Variants in CPVL observed in about 807,000 individuals in gnomAD.
The protein encoded by CPVL is carboxypeptidase vitellogenic like.
A neutral mutation model predicts 63.7 loss-of-function variants in CPVL; 51 were observed. The observed-to-expected ratio is 0.80, with a 90% confidence interval of 0.64 to 1.01. The LOEUF (loss-of-function observed/expected upper bound fraction) is 1.01, where lower values mean the gene tolerates loss of function less well. Ranked by LOEUF, CPVL falls within the 50% of genes least tolerant of loss-of-function variation. The pLI is 0.00. For synonymous variants in CPVL, 195 were observed against 206.0 expected (o/e 0.95, Z 0.46); for missense variants, 530 against 573.1 (o/e 0.92, Z 0.77).
chr7:29,031,255 CAGAG>C (rs1787998306), intron 11 of CPVL, among the ~76,000 whole-genome samples: 1 of 152,128 alleles, frequency 6.6e-6, no homozygotes, highest in Non-Finnish European at 1.5e-5. Context: ...CAGCAGCAGA[CAGAG>C]AGATTCAGGT....
chr7:29,027,117 C>G (rs1477331742), intron 12 of CPVL, among the ~76,000 whole-genome samples: 1 of 152,080 alleles, frequency 6.6e-6, no homozygotes, highest in African/African-American at 2.4e-5. Context: ...AATCCAACAA[C>G]ACATCAAAAA....
At chr7:29,070,749 G>A (rs62442640) in intron 9 of CPVL, among the ~76,000 whole-genome samples, 16,669 of 152,170 alleles carry the variant, frequency 0.11, 1,142 homozygotes, top group Middle Eastern at 0.16. Context: ...TCACGGCAAG[G>A]GCGGTCACTG....
chr7:29,105,529 T>C (rs1787640405), intron 3 of CPVL, among the ~76,000 whole-genome samples: 1 of 152,166 alleles, frequency 6.6e-6, no homozygotes, highest in Admixed American at 6.5e-5. Context: ...CTATTACTCG[T>C]TCCTTAGGCC....
At chr7:29,087,046 A>G (rs1210850710) in intron 6 of CPVL, among the ~76,000 whole-genome samples, 1 of 152,210 alleles carries the variant, frequency 6.6e-6, no homozygotes, top group Non-Finnish European at 1.5e-5. Flanking sequence ...CTATAATTTA[A>G]AAGAAAAACA....
At chr7:29,062,801 G>A (rs1340682104) in intron 11 of CPVL, among the ~76,000 whole-genome samples, 1 of 152,198 alleles carries the variant, frequency 6.6e-6, no homozygotes, top group Non-Finnish European at 1.5e-5. Context: ...ATTTCTGAAA[G>A]ATCGAAATAA....
chr7:29,193,306 T>G (rs758002699), intron 1 of CPVL: 14 of 152,174 alleles, frequency 9.2e-5, no homozygotes, highest in Non-Finnish European at 2.9e-5. Flanking sequence ...CGTGGGTGCG[T>G]ACTGTGATTA....
At chr7:29,063,201 G>T (rs1782802841) in intron 11 of CPVL, among the ~76,000 whole-genome samples, 1 of 152,174 alleles carries the variant, frequency 6.6e-6, no homozygotes, top group Non-Finnish European at 1.5e-5. Context: ...TGGCAGCAAA[G>T]GCAGAGCATT....
intron 3 of CPVL, among the ~76,000 whole-genome samples, chr7:29,110,250 G>A (rs961376228): frequency 5.9e-5 from 9 of 152,172 alleles, no homozygotes; most frequent in African/African-American, 2.2e-4. Flanking sequence ...AAAGAAGATG[G>A]GGAAGCAGTC....
chr7:29,155,052 G>A (rs1372074881), intron 5 of CPVL, among the ~76,000 whole-genome samples: 5 of 152,094 alleles, frequency 3.3e-5, no homozygotes, highest in South Asian at 4.1e-4. Context: ...ATCAGATCTC[G>A]TGAGACTTAT....
intron 5 of CPVL, among the ~76,000 whole-genome samples, chr7:29,167,523 G>A (rs1433565696): frequency 2.0e-5 from 3 of 152,148 alleles, no homozygotes; most frequent in Admixed American, 2.0e-4. Context: ...TCTAAAGTAT[G>A]TATCTTAGAG....
chr7:29,003,153 TGC>T (rs1491520108), intron 12 of CPVL, among the ~76,000 whole-genome samples: 13 of 93,920 alleles, frequency 1.4e-4, no homozygotes, highest in Admixed American at 6.7e-4. Context: ...TATGTGTATG[TGC>T]ACACACACAC....
chr7:29,075,583 G>C (rs1784164006), intron 7 of CPVL, among the ~76,000 whole-genome samples: 1 of 149,672 alleles, frequency 6.7e-6, no homozygotes. Context: ...ACGGGTCTGA[G>C]GTCCCCCAAG....
intron 12 of CPVL, among the ~76,000 whole-genome samples, chr7:29,019,790 C>T (rs1786771301): frequency 6.6e-6 from 1 of 152,168 alleles, no homozygotes. Context: ...TCCTCATAAC[C>T]CTCATCTCCA....
intron 6 of CPVL, 21 bp downstream of exon 6, chr7:29,092,602 G>A (rs1358432933): frequency 1.3e-6 from 2 of 1,577,310 alleles, no homozygotes; most frequent in South Asian, 1.1e-5. Flanking sequence ...GGAAAGCCAA[G>A]AGAAAGCAGG....
intron 12 of CPVL, among the ~76,000 whole-genome samples, chr7:29,018,001 T>A (rs927555229): frequency 1.3e-5 from 2 of 152,196 alleles, no homozygotes; most frequent in Non-Finnish European, 1.5e-5. Context: ...AAATACAACC[T>A]AGCCGAGATA....
chr7:29,087,237 A>C (rs1785296990), intron 6 of CPVL, among the ~76,000 whole-genome samples: 1 of 152,100 alleles, frequency 6.6e-6, no homozygotes, highest in Non-Finnish European at 1.5e-5. Context: ...CAGCCTAGCC[A>C]ACATAGTGAA....
chr7:29,017,908 G>C (rs768636304), intron 12 of CPVL, among the ~76,000 whole-genome samples: 28 of 152,234 alleles, frequency 1.8e-4, no homozygotes, highest in Non-Finnish European at 3.4e-4. Flanking sequence ...GAAATGGGTA[G>C]GATACTTCAG....
chr7:29,189,801 A>G (rs1782653775), intron 1 of CPVL, among the ~76,000 whole-genome samples: 1 of 152,178 alleles, frequency 6.6e-6, no homozygotes, highest in Non-Finnish European at 1.5e-5. Flanking sequence ...TAAGTGGCCA[A>G]ATAGGATACT....
upstream of CPVL, among the ~76,000 whole-genome samples, chr7:29,149,503 A>G (rs1793292383): frequency 6.6e-6 from 1 of 152,072 alleles, no homozygotes; most frequent in Non-Finnish European, 1.5e-5. Flanking sequence ...CTGGAAATCC[A>G]TTTTCTTAAT....
Sources: gnomAD v4.1 joint callset for allele counts (sites outside exome capture counted in the v4.1 genomes callset) on GRCh38, gnomAD v4.1.1 for gene constraint, MANE v1.5 for transcripts, NCBI Gene and HGNC (gene_info 2026-07-23, HGNC 2026-07-21) for gene names.